TLCD1: variants seen among roughly 807,000 people sequenced by gnomAD.
The protein encoded by TLCD1 is TLC domain containing 1, also known as TLC domain-containing protein 1.
A neutral mutation model predicts 21.2 loss-of-function variants in TLCD1; 21 were observed. The ratio of observed to expected loss-of-function variants is 0.99; its 90% confidence interval spans 0.70 to 1.42. The LOEUF is 1.42. TLCD1 is among the 40% of genes most tolerant of loss of function. The pLI is 0.00. For synonymous variants in TLCD1, 168 were observed against 134.8 expected (o/e 1.25, Z -1.71); for missense variants, 344 against 330.3 (o/e 1.04, Z -0.32).
rs760716410 is a variant in TLCD1 at position 28,724,472 on chromosome 17, G to T, written c.*38C>A. On this transcript the variant is annotated 3_prime_UTR_variant, in exon 4 of 4. Coordinates refer to ENST00000292090, the MANE Select transcript of TLCD1 (RefSeq NM_138463.4). ...CCAGTGTCCATATGAAGCTGTTTCT[G>T]GCCTTGTCCGTTTTTGTTGTCCCAG... 3.1e-6 allele frequency: 5 copies of T among 1,596,074 alleles called. No individual in the cohort carries two copies. The highest frequency in any genetic ancestry group is 4.3e-6 in the Non-Finnish European group (5 of 1,169,808).
At chr17:28,725,215 A>G in intron 3 of TLCD1, 89 bp downstream of exon 3, 1 of 1,473,646 alleles carries the variant, frequency 6.8e-7, no homozygotes, top group African/African-American at 1.4e-5. Context: ...GTGGTAAGAA[A>G]ACACGGCCTT....
At chr17:28,726,367 G>A (rs1395833906), upstream of TLCD1, among the ~76,000 whole-genome samples, 1 of 142,652 alleles carries the variant, frequency 7.0e-6, no homozygotes, top group Non-Finnish European at 1.5e-5. Flanking sequence ...CGCGCGAGCC[G>A]GGTGTCCCCG....
chr17:28,726,319 G>A, upstream of TLCD1: 1 of 761,424 alleles, frequency 1.3e-6, no homozygotes. Context: ...GCCTGCCCCC[G>A]CCCCGTCCGC....
At position 28,724,412 on chromosome 17, in the gene TLCD1, T is replaced by C. The variant is rs1452018689; in HGVS notation, c.*98A>G. The C allele has an allele frequency of 2.8e-6, 4 of 1,450,090 alleles. No individual in the cohort carries two copies. The highest frequency in any genetic ancestry group is 3.7e-6 in the Non-Finnish European group (4 of 1,070,948). 89.8% of individuals were successfully genotyped at this position (1,450,090 alleles called of 1,614,324 possible). A position where few individuals can be genotyped will look rare whatever the true frequency, so the allele number is the denominator to read the frequency against. On this transcript the variant is annotated 3_prime_UTR_variant, in exon 4 of 4. Coordinates refer to ENST00000292090, the MANE Select transcript of TLCD1 (RefSeq NM_138463.4). ...GCGCAGGCTCAGAAGGTGGAGAGGC[T>C]GGCCTCAGAGGACACCCAGGCTTGG...
upstream of TLCD1, chr17:28,726,643 A>C: frequency 2.9e-6 from 3 of 1,026,008 alleles, no homozygotes; most frequent in Admixed American, 6.0e-5. Context: ...CACGCCCCCT[A>C]AGTCCTGGTC....
upstream of TLCD1, chr17:28,726,939 G>C (rs2034242271): frequency 1.1e-6 from 1 of 893,260 alleles, no homozygotes; most frequent in Non-Finnish European, 1.8e-6. Flanking sequence ...TGCCGGGACA[G>C]CTGGAGTGAC....
chr17:28,727,095 A>AGGGCGTGGT (rs2034244463), upstream of TLCD1, among the ~76,000 whole-genome samples: 1 of 152,078 alleles, frequency 6.6e-6, no homozygotes, highest in African/African-American at 2.4e-5. Context: ...ACTCTGGGCG[A>AGGGCGTGGT]AAGGAGGAGC....
At chr17:28,727,151 GGGA>G (rs1160003406), upstream of TLCD1, 5 of 342,092 alleles carry the variant, frequency 1.5e-5, no homozygotes, top group African/African-American at 1.0e-4. Context: ...AGAGCGGGGA[GGGA>G]GAAGAGGGTA....
In TLCD1 at chr17:28,724,679, T is replaced by C. The variant is rs910936292; in HGVS notation, c.575A>G (p.His192Arg). 1 of 1,613,730 alleles carries C rather than the reference T, an allele frequency of 6.2e-7. No homozygotes were observed. ...FRLAPQAYLTHFFLRYVNQRT... is the reference protein window; with the variant it reads ...FRLAPQAYLTRFFLRYVNQRT... Reference sequence around the variant, plus strand: ...CTGGTTCACATAACGCAAGAAGAAATGGGTGAGGTAGGCCTGAGGGGCCAG... The same window carrying C: ...CTGGTTCACATAACGCAAGAAGAAACGGGTGAGGTAGGCCTGAGGGGCCAG... The change falls in exon 4 of 4, where the codon CAT becomes CGT. Residue 192 changes from histidine (H) to arginine (R), a missense_variant. His to Arg is a conservative substitution (Grantham distance 29). Transcript: ENST00000292090.
Position 28,725,309 on chromosome 17 carries a change from C to T in TLCD1, c.355G>A (p.Val119Ile), listed in dbSNP as rs777043599. The T allele has an allele frequency of 1.9e-6, 3 of 1,614,074 alleles. No individual in the cohort carries two copies. The highest frequency in any genetic ancestry group is 1.1e-5 in the South Asian group (1 of 91,076). ...RASWEYLVHH[V>I]MAMGAFFSGI... ...ATAGTCTGCTTCTCTCTTACCATGA[C>T]GTGATGGACAAGGTATTCCCAAGAG... Residue 119 changes from valine to isoleucine, a missense_variant, in exon 3 of 4, where the codon GTC becomes ATC. Physicochemically the swap from Val to Ile is conservative, Grantham distance 29 (BLOSUM62 3). Transcript: ENST00000292090.
chr17:28,725,665 G>A (rs2034213244), intron 1 of TLCD1, 102 bp from the exon 2 acceptor site: 2 of 1,331,436 alleles, frequency 1.5e-6, no homozygotes, highest in South Asian at 1.2e-5. Context: ...GCTCGCGCTA[G>A]TGGCTGACTG....
chr17:28,724,947 G>T (rs1390127062), intron 3 of TLCD1, 54 bp from the exon 4 acceptor site: 4 of 1,562,014 alleles, frequency 2.6e-6, no homozygotes, highest in East Asian at 4.5e-5. Context: ...CGCTTTCCTG[G>T]AAGTTTGGGG....
chr17:28,724,959 G>C (rs1597799542), intron 3 of TLCD1, 66 bp from the exon 4 acceptor site: 2 of 1,544,404 alleles, frequency 1.3e-6, no homozygotes, highest in East Asian at 4.5e-5. Flanking sequence ...AGTTTGGGGG[G>C]TGTGGCTATC....
In TLCD1 at chr17:28,724,798, G is replaced by A. The variant is rs762285765; in HGVS notation, c.456C>T (p.Thr152=). The change falls in exon 4 of 4, where the codon ACC becomes ACT. Residue 152 remains threonine (T), a synonymous_variant. Coordinates refer to ENST00000292090, the MANE Select transcript of TLCD1 (RefSeq NM_138463.4). ...LLVEVSNIFL[T]IRMMMKISNA... is the part of the protein sequence containing the mutation. ...TACTGATTTTCATCATCATGCGAAT[G>A]GTGAGGAAGATGTTGCTGACTTCCA... 7.4e-6 allele frequency: 12 copies of A among 1,613,942 alleles called. No homozygotes were observed. The Admixed American group carries it at 1.8e-4, about 25-fold the overall frequency.
chr17:28,725,874 G>A (rs773354155), intron 1 of TLCD1, 30 bp downstream of exon 1: 3 of 1,605,234 alleles, frequency 1.9e-6, no homozygotes, highest in Admixed American at 1.7e-5. Flanking sequence ...GGATCCCCTG[G>A]CCACCTCATT....
upstream of TLCD1, chr17:28,726,875 A>G: frequency 6.7e-7 from 1 of 1,487,038 alleles, no homozygotes; most frequent in African/African-American, 1.4e-5. Context: ...TCCCTCAGAC[A>G]GTCCCGGCCC....
At chr17:28,726,937 C>T, upstream of TLCD1, 1 of 909,748 alleles carries the variant, frequency 1.1e-6, no homozygotes, top group Non-Finnish European at 1.7e-6. Context: ...TTTGCCGGGA[C>T]AGCTGGAGTG....
upstream of TLCD1, chr17:28,727,827 C>A (rs1035421559): frequency 6.6e-6 from 1 of 152,058 alleles, no homozygotes; most frequent in Non-Finnish European, 1.5e-5. Context: ...ACCATGTTGG[C>A]CAGGTTGGTC....
At chr17:28,724,934 A>G (rs1272242540) in intron 3 of TLCD1, 41 bp from the exon 4 acceptor site, 12 of 1,577,370 alleles carry the variant, frequency 7.6e-6, no homozygotes, top group Non-Finnish European at 9.5e-6. Flanking sequence ...ACCCAGATGC[A>G]GACGCTTTCC....
Sources: gnomAD v4.1 joint callset for allele counts (sites outside exome capture counted in the v4.1 genomes callset) on GRCh38, gnomAD v4.1.1 for gene constraint, MANE v1.5 for transcripts, NCBI Gene and HGNC (gene_info 2026-07-23, HGNC 2026-07-21) for gene names.